C2CD3: variants seen among roughly 807,000 people sequenced by gnomAD.
C2CD3 encodes the protein C2 domain containing 3 centriole elongation regulator.
C2CD3 carries 148 observed loss-of-function variants against 234.0 expected under a neutral mutation model. That is an observed-to-expected ratio of 0.63 (90% CI 0.55 to 0.72). C2CD3 has a LOEUF of 0.72. C2CD3 is among the 30% of genes least tolerant of loss of function. The pLI is 0.00. For synonymous variants in C2CD3, 1,000 were observed against 1,035.4 expected (o/e 0.97, Z 0.66); for missense variants, 2,577 against 2,811.5 (o/e 0.92, Z 1.89).
intron 32 of C2CD3, among the ~76,000 whole-genome samples, chr11:74,023,783 G>A (rs1361143022): frequency 3.9e-5 from 6 of 151,992 alleles, no homozygotes; most frequent in Admixed American, 2.6e-4. Flanking sequence ...CCTTGGTCTC[G>A]CATGCCACTC....
At chr11:74,125,787 T>A (rs1379276925) in intron 7 of C2CD3, among the ~76,000 whole-genome samples, 2 of 152,196 alleles carry the variant, frequency 1.3e-5, no homozygotes, top group African/African-American at 4.8e-5. Flanking sequence ...ACTTTACGAG[T>A]GAACTCTTCA....
chr11:74,134,799 C>G (rs749031981), intron 5 of C2CD3, among the ~76,000 whole-genome samples: 1 of 152,122 alleles, frequency 6.6e-6, no homozygotes, highest in Non-Finnish European at 1.5e-5. Flanking sequence ...CAATCAAGTT[C>G]GCTACAGCCT....
chr11:74,164,285 A>G, intron 2 of C2CD3: 1 of 954,582 alleles, frequency 1.0e-6, no homozygotes, highest in Non-Finnish European at 1.2e-6. Context: ...GTGTAGCCAT[A>G]ATTTTCTCAG....
At position 74,048,346 on chromosome 11, in the gene C2CD3, CACA is replaced by C; in HGVS notation, c.5362-11_5362-9del. 1 of 1,613,064 alleles carries C rather than the reference CACA, an allele frequency of 6.2e-7. No homozygotes were observed. Among genetic ancestry groups the C allele is most frequent in the Non-Finnish European group, 8.5e-7 (1 of 1,179,320 alleles). ...GGGACTGTATATTGGGATCTGTAAA[CACA>C]ACAAGAAAAATGGTACACTTGTCAC... On this transcript the variant is annotated splice_polypyrimidine_tract_variant and intron_variant, in intron 27 of 32. Transcript: ENST00000334126.
chr11:74,156,912 A>G (rs537059567), intron 3 of C2CD3, among the ~76,000 whole-genome samples: 9 of 152,374 alleles, frequency 5.9e-5, no homozygotes, highest in Admixed American at 2.0e-4. Context: ...CAGAAGTTGC[A>G]GTGAGCAGAG....
intron 3 of C2CD3, among the ~76,000 whole-genome samples, chr11:74,160,984 T>G (rs1856418517): frequency 6.6e-6 from 1 of 152,162 alleles, no homozygotes; most frequent in South Asian, 2.1e-4. Flanking sequence ...TATTATGAGC[T>G]ATGTGAAAAA....
At chr11:74,071,878 G>A (rs1197188075) in intron 24 of C2CD3, among the ~76,000 whole-genome samples, 2 of 152,032 alleles carry the variant, frequency 1.3e-5, no homozygotes, top group East Asian at 1.9e-4. Context: ...ATTTTGCCAA[G>A]TGATATTATA....
At position 74,133,455 on chromosome 11, in the gene C2CD3, A is replaced by G. The variant is rs1957746658; in HGVS notation, c.1058T>C (p.Ile353Thr). ...TGATGCTCTAAGAGAATCTTCATTA[A>G]TAGGAGGATGAACTTGGTCCAACAA... ...SMLLDQVHPP[I>T]NEDSLRASTQ... Residue 353 changes from isoleucine to threonine, a missense_variant, in exon 6 of 33, where the codon ATT becomes ACT. Physicochemically the swap from Ile to Thr is moderately conservative, Grantham distance 89. Transcript: ENST00000334126. 1 of 1,613,534 alleles carries G rather than the reference A, an allele frequency of 6.2e-7. No individual in the cohort carries two copies. Among genetic ancestry groups the G allele is most frequent in the African/African-American group, 1.3e-5 (1 of 74,910 alleles).
At chr11:74,047,554 G>T (rs1438058634) in intron 28 of C2CD3, among the ~76,000 whole-genome samples, 1 of 152,232 alleles carries the variant, frequency 6.6e-6, no homozygotes, top group Non-Finnish European at 1.5e-5. Context: ...TTGGGCCTTA[G>T]AATGTTACAT....
In C2CD3 at chr11:74,049,539, T is replaced by A. The variant is rs1245877628; in HGVS notation, c.5159A>T (p.Glu1720Val). ...CGAGGCAAAGCCAATCACCCTCTCC[T>A]CATCTGTAGAGGAAAGAGAAGAGCT... ...LVFKVWHKGD[E>V]ERVIGFASVD... The change falls in exon 27 of 33, where the codon GAG becomes GTG. Residue 1720 changes from glutamate to valine, a missense_variant. Transcript: ENST00000334126. 1 of 1,611,280 alleles carries A rather than the reference T, an allele frequency of 6.2e-7. No homozygotes were observed. Among genetic ancestry groups the A allele is most frequent in the Admixed American group, 1.7e-5 (1 of 59,972 alleles).
intron 29 of C2CD3, among the ~76,000 whole-genome samples, chr11:74,038,207 C>T (rs1168297223): frequency 6.6e-6 from 1 of 152,216 alleles, no homozygotes; most frequent in Non-Finnish European, 1.5e-5. Flanking sequence ...CCCTGATGTA[C>T]GGTCAGCTCT....
intron 19 of C2CD3, 146 bp from the exon 20 acceptor site, chr11:74,091,082 C>A: frequency 1.3e-6 from 1 of 745,346 alleles, no homozygotes; most frequent in South Asian, 2.0e-5. Context: ...TTGTCATAAT[C>A]ACATTGTTAT....
At chr11:74,062,041 T>C (rs1201731586) in intron 24 of C2CD3, among the ~76,000 whole-genome samples, 5 of 152,050 alleles carry the variant, frequency 3.3e-5, no homozygotes, top group Non-Finnish European at 1.5e-5. Context: ...CATTACATAA[T>C]GGTAAAGGGA....
intron 20 of C2CD3, among the ~76,000 whole-genome samples, chr11:74,086,105 T>A (rs1955630616): frequency 6.6e-6 from 1 of 152,180 alleles, no homozygotes; most frequent in African/African-American, 2.4e-5. Context: ...CATCTGCCCA[T>A]CAGAGTGACT....
intron 3 of C2CD3, among the ~76,000 whole-genome samples, chr11:74,144,904 T>C (rs1335669302): frequency 6.6e-6 from 1 of 152,236 alleles, no homozygotes; most frequent in Non-Finnish European, 1.5e-5. Flanking sequence ...AGTGCTGCAA[T>C]GAACATAACA....
Position 74,074,350 on chromosome 11 carries a change from T to C in C2CD3, c.4854A>G (p.Thr1618=). ...CCTCCTGCGTCAGGCGGACTTCAGCTGTGGTGCTGCTGCAGGGGACCTGGG... is the reference window on the plus strand; with the variant it reads ...CCTCCTGCGTCAGGCGGACTTCAGCCGTGGTGCTGCTGCAGGGGACCTGGG... ...ASTQVPCSST[T]AEVRLTQEGP... Residue 1618 remains threonine, a synonymous_variant, in exon 24 of 33, where the codon ACA becomes ACG. Coordinates refer to ENST00000334126, the MANE Select transcript of C2CD3 (RefSeq NM_001286577.2). 1 of 1,614,206 alleles carries C rather than the reference T, an allele frequency of 6.2e-7. No homozygotes were observed. Among genetic ancestry groups the C allele is most frequent in the Non-Finnish European group, 8.5e-7 (1 of 1,180,032 alleles).
Position 74,059,410 on chromosome 11 carries a change from CA to C in C2CD3, c.4952-1867del, listed in dbSNP as rs57052333. Among the ~76,000 whole-genome samples the C allele has an allele frequency of 9.5e-3, 286 of 29,964 alleles. 3 individuals carry two copies. The highest frequency in any genetic ancestry group is 0.017 in the African/African-American group (121 of 7,232). The allele number at this position is 29,964 out of a possible 152,430, so 19.7% of individuals were successfully genotyped here. A position where few individuals can be genotyped will look rare whatever the true frequency, so the allele number is the denominator to read the frequency against. On this transcript the variant is annotated intron_variant, in intron 24 of 32. Coordinates refer to ENST00000334126, the MANE Select transcript of C2CD3 (RefSeq NM_001286577.2). ...TGGGTGACAGAGCGAGACTCTGTCT[CA>C]AAAAAAAAAAAAAAAAAAAAAAAAG... is the stretch of plus-strand genomic sequence containing the variant.
At chr11:74,029,611 C>A (rs1952441448) in intron 31 of C2CD3, among the ~76,000 whole-genome samples, 1 of 151,508 alleles carries the variant, frequency 6.6e-6, no homozygotes, top group African/African-American at 2.4e-5. Flanking sequence ...GACTGCCAGA[C>A]AGCCAGCTGA....
chr11:74,110,366 C>T (rs983921265), intron 11 of C2CD3, among the ~76,000 whole-genome samples: 8 of 152,122 alleles, frequency 5.3e-5, no homozygotes, highest in African/African-American at 1.9e-4. Context: ...TCTCTCTATT[C>T]ATCTCTGGCC....
Sources: allele counts gnomAD v4.1 joint callset (sites outside exome capture counted in the v4.1 genomes callset), GRCh38; gene constraint gnomAD v4.1.1; transcripts MANE v1.5; gene names NCBI Gene and HGNC (gene_info 2026-07-23, HGNC 2026-07-21).